The following CNTNAP3B variants were observed in gnomAD, a reference collection of about 807,000 sequenced individuals.
The protein encoded by CNTNAP3B is contactin associated protein family member 3B.
A neutral mutation model predicts 108.9 loss-of-function variants in CNTNAP3B; 25 were observed. The observed-to-expected ratio is 0.23, with a 90% CI of 0.17 to 0.32. The LOEUF is 0.32. Ranked by LOEUF, CNTNAP3B falls within the 10% of genes least tolerant of loss-of-function variation. The pLI, the probability that CNTNAP3B is intolerant of heterozygous loss-of-function variation, is 1.00. For missense variants in CNTNAP3B, 252 were observed against 1,210.4 expected (o/e 0.21, Z 11.75); for synonymous variants, 103 against 473.4 (o/e 0.22, Z 10.16).
chr9:41,956,512 A>G (rs1296878034), intron 12 of CNTNAP3B, among the ~76,000 whole-genome samples: 1 of 152,214 alleles, frequency 6.6e-6, no homozygotes, highest in East Asian at 1.9e-4. Context: ...TGCACTTAAA[A>G]TTTACTCAGT....
chr9:41,945,389 G>A (rs1384602203), intron 13 of CNTNAP3B, among the ~76,000 whole-genome samples: 16 of 152,270 alleles, frequency 1.1e-4, no homozygotes, highest in Admixed American at 2.6e-4. Context: ...ATGACAGACT[G>A]GATTAAGAAA....
chr9:42,127,324 G>C (rs934238187), intron 1 of CNTNAP3B, among the ~76,000 whole-genome samples: 5 of 138,928 alleles, frequency 3.6e-5, no homozygotes, highest in Non-Finnish European at 7.7e-5. Flanking sequence ...TATGGGCTTT[G>C]TAATCCTTCC....
chr9:42,024,206 A>G (rs1410020300), intron 3 of CNTNAP3B, among the ~76,000 whole-genome samples: 1 of 126,044 alleles, frequency 7.9e-6, no homozygotes, highest in African/African-American at 3.2e-5. Flanking sequence ...AAAAATGTAT[A>G]GATTATATCT....
intron 15 of CNTNAP3B, among the ~76,000 whole-genome samples, chr9:41,928,324 T>C (rs891257378): frequency 2.6e-5 from 4 of 152,056 alleles, no homozygotes; most frequent in Admixed American, 2.0e-4. Context: ...ACACAATCCA[T>C]TGGCCCAGGT....
At chr9:41,961,328 G>A (rs1451627122) in intron 11 of CNTNAP3B, among the ~76,000 whole-genome samples, 10 of 152,276 alleles carry the variant, frequency 6.6e-5, no homozygotes, top group Admixed American at 6.5e-5. Flanking sequence ...AGGCAAGAAA[G>A]CATGCAAACT....
intron 14 of CNTNAP3B, among the ~76,000 whole-genome samples, chr9:41,934,122 T>TATATATATATATATATACAC (rs1214326050): frequency 1.6e-4 from 12 of 73,428 alleles, no homozygotes; most frequent in African/African-American, 5.9e-4. Flanking sequence ...TATATATATA[T>TATATATATATATATATACAC]ACACACACAT....
intron 13 of CNTNAP3B, among the ~76,000 whole-genome samples, chr9:41,940,660 CA>C (rs1210974464): frequency 1.3e-5 from 2 of 152,252 alleles, no homozygotes; most frequent in Admixed American, 6.5e-5. Context: ...ACTAAAAATA[CA>C]AAAAATAGAC....
At chr9:41,953,627 T>C (rs1350378300) in intron 12 of CNTNAP3B, among the ~76,000 whole-genome samples, 7 of 149,506 alleles carry the variant, frequency 4.7e-5, no homozygotes, top group East Asian at 2.0e-4. Context: ...AAATGTATCA[T>C]GTAAGCAATG....
chr9:42,029,697 ATTG>A lies in CNTNAP3B; in HGVS notation c.391-16175_391-16173del, dbSNP rs1390453644. Among the ~76,000 whole-genome samples, 8 of 123,368 alleles carry A rather than the reference ATTG, an allele frequency of 6.5e-5. No homozygotes were observed. In the Admixed American group the frequency reaches 6.5e-4, roughly 10 times the overall value. The allele number at this position is 123,368 out of a possible 152,430, so 80.9% of individuals were successfully genotyped here. A position where few individuals can be genotyped will look rare whatever the true frequency, so the allele number is the denominator to read the frequency against. On this transcript the variant is annotated intron_variant, in intron 3 of 23. Coordinates refer to ENST00000377561, the MANE Select transcript of CNTNAP3B (RefSeq NM_001201380.3). ...AGGCACATGCCACTATGCCCAGCTA[ATTG>A]TTGTATTTTTGGTAGAGACACAGTT...
rs760587136 is a variant in CNTNAP3B at position 42,129,149 on chromosome 9, C to T, written c.-55G>A. On this transcript the variant is annotated 5_prime_UTR_variant, in exon 1 of 24. Transcript: ENST00000377561. ...GGGCACGGCGACGGCCGCTCTGCGTCGTTCCTGCTCTCACTCCCGCTCTCA... is the reference window on the plus strand; with the variant it reads ...GGGCACGGCGACGGCCGCTCTGCGTTGTTCCTGCTCTCACTCCCGCTCTCA... 26 of 1,517,920 alleles carry T rather than the reference C, an allele frequency of 1.7e-5. No individual in the cohort carries two copies. Among genetic ancestry groups the T allele is most frequent in the Non-Finnish European group, 2.2e-5 (25 of 1,127,068 alleles). 94.0% of individuals were successfully genotyped at this position (1,517,920 alleles called of 1,614,324 possible).
At chr9:41,940,154 A>G (rs1308186193) in intron 13 of CNTNAP3B, among the ~76,000 whole-genome samples, 2 of 152,298 alleles carry the variant, frequency 1.3e-5, no homozygotes, top group South Asian at 4.1e-4. Flanking sequence ...GAATCTCAAA[A>G]AGAGAGAACA....
intron 15 of CNTNAP3B, among the ~76,000 whole-genome samples, chr9:41,928,715 A>G (rs1165582931): frequency 2.0e-5 from 3 of 150,678 alleles, no homozygotes; most frequent in Non-Finnish European, 3.0e-5. Context: ...AAGAAACACT[A>G]TTACAATTTT....
chr9:42,126,866 G>A lies in CNTNAP3B; in HGVS notation c.85+2144C>T, dbSNP rs563970447. Among the ~76,000 whole-genome samples the A allele has an allele frequency of 1.2e-4, 17 of 139,276 alleles. 2 individuals are homozygous for A. The highest frequency in any genetic ancestry group is 4.6e-4 in the South Asian group (2 of 4,346). 91.4% of individuals were successfully genotyped at this position (139,276 alleles called of 152,430 possible). ...ATTACAGACACGAGCCACTGTGCCC[G>A]GCCTAGAGAGCTCTTCCCATGAAGA... On this transcript the variant is annotated intron_variant, in intron 1 of 23. Transcript: ENST00000377561.
At chr9:41,923,672 G>T (rs1468930478) in intron 16 of CNTNAP3B, among the ~76,000 whole-genome samples, 2 of 152,300 alleles carry the variant, frequency 1.3e-5, no homozygotes, top group African/African-American at 2.4e-5. Context: ...TGAGGCAGGA[G>T]AATTGCTTGA....
intron 2 of CNTNAP3B, among the ~76,000 whole-genome samples, chr9:42,090,673 G>A (rs1827802020): frequency 1.2e-5 from 1 of 81,726 alleles, no homozygotes; most frequent in African/African-American, 4.5e-5. Context: ...ATATGACTAT[G>A]ACTATATATA....
intron 11 of CNTNAP3B, among the ~76,000 whole-genome samples, chr9:41,961,295 CATAA>C (rs1190418994): frequency 6.6e-6 from 1 of 152,302 alleles, no homozygotes; most frequent in Non-Finnish European, 1.5e-5. Flanking sequence ...ACTTTCTCTA[CATAA>C]ATGTTTTCTT....
At chr9:42,123,845 C>T (rs1828512183) in intron 1 of CNTNAP3B, among the ~76,000 whole-genome samples, 1 of 127,306 alleles carries the variant, frequency 7.9e-6, no homozygotes, top group Non-Finnish European at 1.6e-5. Flanking sequence ...TAAGCATATA[C>T]TGAGTTATAA....
intron 13 of CNTNAP3B, among the ~76,000 whole-genome samples, chr9:41,948,505 C>T (rs1317242001): frequency 1.2e-4 from 17 of 145,698 alleles, no homozygotes; most frequent in Admixed American, 2.1e-4. Flanking sequence ...GCAGTATTGT[C>T]CTGATACTGA....
chr9:41,960,109 T>A (rs1825027415), intron 12 of CNTNAP3B: 1 of 155,454 alleles, frequency 6.4e-6, no homozygotes, highest in African/African-American at 2.4e-5. Flanking sequence ...GGGATTCTCC[T>A]GCCTCAGCCT....
Sources: gnomAD v4.1 joint callset for allele counts (sites outside exome capture counted in the v4.1 genomes callset) on GRCh38, gnomAD v4.1.1 for gene constraint, MANE v1.5 for transcripts, NCBI Gene and HGNC (gene_info 2026-07-23, HGNC 2026-07-21) for gene names.